The following NPAS3 variants were observed in gnomAD, a reference collection of about 807,000 sequenced individuals.
NPAS3 encodes the protein neuronal PAS domain-containing protein 3.
A neutral mutation model predicts 73.1 loss-of-function variants in NPAS3; 14 were observed. The ratio of observed to expected loss-of-function variants is 0.19; its 90% CI spans 0.13 to 0.30. The LOEUF (loss-of-function observed/expected upper bound fraction) is 0.30, where lower values mean the gene tolerates loss of function less well. Among genes scored for constraint, NPAS3 ranks in the 10% least tolerant of loss-of-function variants. The pLI, the probability that NPAS3 is intolerant of heterozygous loss-of-function variation, is 1.00. For missense variants in NPAS3, 1,096 were observed against 1,250.0 expected (o/e 0.88, Z 1.86); for synonymous variants, 620 against 541.5 (o/e 1.14, Z -2.01).
At chr14:33,343,203 A>G (rs1267201613) in intron 3 of NPAS3, among the ~76,000 whole-genome samples, 1 of 152,120 alleles carries the variant, frequency 6.6e-6, no homozygotes, top group Admixed American at 6.5e-5. Context: ...TGATTTCGCA[A>G]CTTTAGGTCT....
chr14:33,520,638 A>C (rs1302250642), intron 4 of NPAS3, among the ~76,000 whole-genome samples: 2 of 152,168 alleles, frequency 1.3e-5, no homozygotes, highest in Non-Finnish European at 2.9e-5. Flanking sequence ...AGTTAAACAC[A>C]GTGATTTTTC....
Position 33,713,213 on chromosome 14 carries a change from G to A in NPAS3, c.734-22001G>A, listed in dbSNP as rs538949864. 9.9e-5 allele frequency among the ~76,000 whole-genome samples: 15 copies of A among 152,258 alleles called. No homozygotes were observed. The East Asian group carries it at 1.7e-3, about 18-fold the overall frequency. The stretch of plus-strand genomic sequence containing the variant: ...TTTACAAGGTCTCATATAGTAAGTC[G>A]AGAGCAAGTACAACCCCAAGGCTGG... On this transcript the variant is annotated intron_variant, in intron 6 of 11. Coordinates refer to ENST00000356141, the Ensembl canonical transcript of NPAS3.
At chr14:33,342,929 T>G (rs1232329281) in intron 3 of NPAS3, among the ~76,000 whole-genome samples, 1 of 152,194 alleles carries the variant, frequency 6.6e-6, no homozygotes, top group African/African-American at 2.4e-5. Flanking sequence ...GTGTCATTAT[T>G]ACTAGTATCT....
intron 4 of NPAS3, among the ~76,000 whole-genome samples, chr14:33,388,726 G>A (rs2046877693): frequency 6.6e-6 from 1 of 151,846 alleles, no homozygotes; most frequent in Admixed American, 6.6e-5. Flanking sequence ...ACTTAGAAAA[G>A]CTAAGGAACT....
In NPAS3 at chr14:33,640,413, TTC is replaced by T. The variant is rs1227394831; in HGVS notation, c.559-35796_559-35795del. On this transcript the variant is annotated intron_variant, in intron 5 of 11. Coordinates refer to ENST00000356141, the Ensembl canonical transcript of NPAS3. The stretch of plus-strand genomic sequence containing the variant: ...TCATCTTCACAATATGTTCTGACAT[TTC>T]TGAGACTCTTTTATTCATCTATGGC... Among the ~76,000 whole-genome samples the T allele has an allele frequency of 6.6e-5, 10 of 152,322 alleles. No individual in the cohort carries two copies. The South Asian group carries it at 2.1e-3, about 32-fold the overall frequency.
chr14:33,741,674 G>A (rs1330466022), intron 7 of NPAS3, among the ~76,000 whole-genome samples: 1 of 152,126 alleles, frequency 6.6e-6, no homozygotes, highest in South Asian at 2.1e-4. Flanking sequence ...TTTCTGCTGG[G>A]ACTAATCAGC....
In NPAS3 at chr14:33,428,322, G is replaced by T. The variant is rs144542855; in HGVS notation, c.468+61054G>T. On this transcript the variant is annotated intron_variant, in intron 4 of 11. Transcript: ENST00000356141. ...TTATATCTATTTCATAGTATTATTA[G>T]AATTGAATAAAATATATACAAAATA... is the stretch of plus-strand genomic sequence containing the variant. Among the ~76,000 whole-genome samples, 5 of 152,114 alleles carry T rather than the reference G, an allele frequency of 3.3e-5. No homozygotes were observed. The East Asian group carries it at 9.7e-4, about 29-fold the overall frequency.
chr14:33,171,910 T>C (rs373227352), intron 2 of NPAS3, among the ~76,000 whole-genome samples: 3 of 152,134 alleles, frequency 2.0e-5, no homozygotes, highest in African/African-American at 7.2e-5. Flanking sequence ...CTAGAAGCCA[T>C]TGCAGGGGTA....
intron 3 of NPAS3, among the ~76,000 whole-genome samples, chr14:33,223,254 T>C (rs1468522151): frequency 1.3e-5 from 2 of 152,140 alleles, no homozygotes; most frequent in African/African-American, 4.8e-5. Flanking sequence ...GGGGTTGCAA[T>C]GAGCCGAGAC....
At chr14:33,214,910 A>T (rs1431451618) in intron 2 of NPAS3, 2 of 441,020 alleles carry the variant, frequency 4.5e-6, no homozygotes, top group Non-Finnish European at 8.2e-6. Flanking sequence ...CAATAAATAC[A>T]CCTCAATGCA....
At chr14:33,335,004 T>C (rs72678894) in intron 3 of NPAS3, among the ~76,000 whole-genome samples, 18,174 of 151,474 alleles carry the variant, frequency 0.12, 1,169 homozygotes, top group Non-Finnish European at 0.14. Flanking sequence ...TTATTTTGTT[T>C]CTTGCTATGG....
intron 4 of NPAS3, among the ~76,000 whole-genome samples, chr14:33,500,121 A>G (rs1439244716): frequency 1.3e-5 from 2 of 152,012 alleles, no homozygotes; most frequent in Middle Eastern, 3.4e-3. Context: ...GAAGGCACCT[A>G]ACCATTTGGT....
chr14:33,673,676 C>T (rs1257766865), intron 5 of NPAS3, among the ~76,000 whole-genome samples: 2 of 152,176 alleles, frequency 1.3e-5, no homozygotes, highest in Admixed American at 6.5e-5. Flanking sequence ...CCCAGCTCTC[C>T]GGGCCACAGC....
At chr14:33,204,937 A>G (rs2046768393) in intron 2 of NPAS3, among the ~76,000 whole-genome samples, 1 of 152,172 alleles carries the variant, frequency 6.6e-6, no homozygotes, top group Non-Finnish European at 1.5e-5. Flanking sequence ...TATTGGAAAA[A>G]AAAATGCCTT....
chr14:33,189,545 C>A (rs967676966), intron 2 of NPAS3, among the ~76,000 whole-genome samples: 3 of 152,132 alleles, frequency 2.0e-5, no homozygotes, highest in African/African-American at 7.2e-5. Flanking sequence ...AATTCAAATA[C>A]CTTAGAACAC....
chr14:33,606,310 G>A (rs1402058043), intron 5 of NPAS3, among the ~76,000 whole-genome samples: 1 of 144,506 alleles, frequency 6.9e-6, no homozygotes, highest in African/African-American at 2.6e-5. Context: ...ACCTGTGAGT[G>A]AGAATATGCA....
rs796811190 is a variant in NPAS3 at position 33,561,426 on chromosome 14, C to A, written c.558+1216C>A. Among the ~76,000 whole-genome samples, 4 of 152,264 alleles carry A rather than the reference C, an allele frequency of 2.6e-5. 1 individual carries two copies. Among genetic ancestry groups the A allele is most frequent in the African/African-American group, 9.6e-5 (4 of 41,546 alleles). On this transcript the variant is annotated intron_variant, in intron 5 of 11. Transcript: ENST00000356141. ...CAAACAAGGGTCTGGTCTGTTAATG[C>A]CTTTTGAAGAACATGCAAGCTCTCA...
intron 1 of NPAS3, among the ~76,000 whole-genome samples, chr14:32,969,874 T>C (rs2037348469): frequency 1.3e-5 from 2 of 152,324 alleles, no homozygotes; most frequent in South Asian, 4.1e-4. Context: ...TACTCTGCTA[T>C]AATTCAGAAA....
At chr14:32,973,580 G>A (rs1390847647) in intron 1 of NPAS3, among the ~76,000 whole-genome samples, 6 of 147,120 alleles carry the variant, frequency 4.1e-5, no homozygotes, top group Non-Finnish European at 8.9e-5. Context: ...CTGTTGCCCA[G>A]GGTGGAATGC....
Sources: gnomAD v4.1 joint callset for allele counts (sites outside exome capture counted in the v4.1 genomes callset) on GRCh38, gnomAD v4.1.1 for gene constraint, MANE v1.5 for transcripts, NCBI Gene and HGNC (gene_info 2026-07-23, HGNC 2026-07-21) for gene names.